The following RNF130 variants were observed in gnomAD, a reference collection of about 807,000 sequenced individuals.
RNF130 encodes E3 ubiquitin-protein ligase RNF130.
In RNF130, 21 loss-of-function variants were observed where a neutral mutation model predicts 44.6. That is an observed-to-expected ratio of 0.47 (90% CI 0.33 to 0.68). The LOEUF (loss-of-function observed/expected upper bound fraction) is 0.68. RNF130 is among the 30% of genes least tolerant of loss of function. The pLI, the probability that RNF130 is intolerant of heterozygous loss-of-function variation, is 0.02. For synonymous variants in RNF130, 214 were observed against 210.4 expected (o/e 1.02, Z -0.15); for missense variants, 479 against 560.6 (o/e 0.85, Z 1.47).
chr5:179,948,744 A>G (rs1432850643), intron 7 of RNF130, among the ~76,000 whole-genome samples: 5 of 152,170 alleles, frequency 3.3e-5, no homozygotes, highest in African/African-American at 1.2e-4. Flanking sequence ...TTTGGAAGAT[A>G]AAAAGTCAAG....
chr5:180,048,891 G>A (rs941043791), intron 1 of RNF130, among the ~76,000 whole-genome samples: 4 of 152,172 alleles, frequency 2.6e-5, no homozygotes, highest in Non-Finnish European at 5.9e-5. Flanking sequence ...TGTAATTTAA[G>A]CTCTTCACTT....
At chr5:179,933,797 T>G (rs1393584276) in intron 7 of RNF130, 2 of 644,112 alleles carry the variant, frequency 3.1e-6, no homozygotes, top group Admixed American at 4.0e-5. Flanking sequence ...TAAGTATGTA[T>G]TACATCACTA....
intron 7 of RNF130, among the ~76,000 whole-genome samples, chr5:179,937,945 A>T (rs1373705674): frequency 3.7e-4 from 56 of 150,098 alleles, no homozygotes; most frequent in African/African-American, 6.4e-4. Flanking sequence ...AGAGAGAGAG[A>T]GAGAGAGAGA....
chr5:180,005,291 G>T (rs1582181194), intron 3 of RNF130, among the ~76,000 whole-genome samples: 1 of 152,274 alleles, frequency 6.6e-6, no homozygotes, highest in East Asian at 1.9e-4. Flanking sequence ...AGTCGGGCCT[G>T]GTGGTGGGCA....
At chr5:179,928,715 G>A (rs1193055274) in intron 7 of RNF130, among the ~76,000 whole-genome samples, 3 of 148,582 alleles carry the variant, frequency 2.0e-5, no homozygotes, top group East Asian at 2.1e-4. Context: ...TGCAAGCCCC[G>A]CCTCCTGGGT....
rs142734510 is a variant in RNF130 at position 179,995,419 on chromosome 5, G to T, written c.694-15219C>A. 1.4e-4 allele frequency among the ~76,000 whole-genome samples: 22 copies of T among 152,268 alleles called. No homozygotes were observed. In the East Asian group the frequency reaches 4.2e-3, roughly 29 times the overall value. On this transcript the variant is annotated intron_variant, in intron 3 of 8. Coordinates refer to ENST00000521389, the MANE Select transcript of RNF130 (RefSeq NM_018434.6). ...CAAGCTGTACTCATTTATCATTTCT[G>T]GCTGTGTGGGCCCCTTTCCTACCAA...
At chr5:180,012,437 G>C (rs947231607) in intron 3 of RNF130, among the ~76,000 whole-genome samples, 1 of 152,118 alleles carries the variant, frequency 6.6e-6, no homozygotes, top group Non-Finnish European at 1.5e-5. Context: ...GTCACCAACT[G>C]AGGGCCACCA....
At chr5:179,993,647 T>A (rs1218857048) in intron 3 of RNF130, among the ~76,000 whole-genome samples, 7 of 152,238 alleles carry the variant, frequency 4.6e-5, no homozygotes, top group Admixed American at 4.6e-4. Context: ...ATGGGTAGAT[T>A]GCAAAAATTT....
intron 3 of RNF130, among the ~76,000 whole-genome samples, chr5:180,012,691 G>A (rs1001637905): frequency 6.6e-6 from 1 of 152,110 alleles, no homozygotes; most frequent in Non-Finnish European, 1.5e-5. Context: ...ATTTCACATA[G>A]GAAGGGGAAG....
At chr5:179,937,610 T>C (rs774987743) in intron 7 of RNF130, among the ~76,000 whole-genome samples, 1 of 152,286 alleles carries the variant, frequency 6.6e-6, no homozygotes, top group Non-Finnish European at 1.5e-5. Flanking sequence ...GGCAGGAATG[T>C]AAAATGGTTT....
chr5:179,981,998 C>CTACAA (rs1461597303), intron 3 of RNF130, among the ~76,000 whole-genome samples: 1 of 152,128 alleles, frequency 6.6e-6, no homozygotes, highest in Non-Finnish European at 1.5e-5. Flanking sequence ...GAAAACCTAA[C>CTACAA]TACAATCAAG....
At chr5:179,924,581 TGAG>T (rs1187246903) in intron 7 of RNF130, among the ~76,000 whole-genome samples, 1 of 151,516 alleles carries the variant, frequency 6.6e-6, no homozygotes, top group Non-Finnish European at 1.5e-5. Flanking sequence ...GTGGATCACC[TGAG>T]GTCAGGAGGA....
At chr5:179,987,155 CTTCCT>C (rs755275386) in intron 3 of RNF130, among the ~76,000 whole-genome samples, 9 of 151,632 alleles carry the variant, frequency 5.9e-5, no homozygotes, top group Non-Finnish European at 1.3e-4. Context: ...CCTTTCCTTC[CTTCCT>C]TTCTTTCTTC....
chr5:179,951,260 C>T (rs1156471838), downstream of RNF130, among the ~76,000 whole-genome samples: 2 of 152,136 alleles, frequency 1.3e-5, no homozygotes, highest in Non-Finnish European at 2.9e-5. Flanking sequence ...CTAGAGATAA[C>T]AATACTCACT....
chr5:180,034,662 C>T (rs1167910668), intron 2 of RNF130, among the ~76,000 whole-genome samples: 3 of 152,228 alleles, frequency 2.0e-5, no homozygotes, highest in East Asian at 1.9e-4. Context: ...TACTATCCGT[C>T]GAAAGGCCTG....
downstream of RNF130, among the ~76,000 whole-genome samples, chr5:179,954,398 A>T (rs965686339): frequency 2.6e-5 from 4 of 152,344 alleles, no homozygotes; most frequent in Non-Finnish European, 4.4e-5. Context: ...TGTTAACCAC[A>T]CAAAGAAGTT....
At chr5:180,021,959 G>A (rs1442553506) in intron 2 of RNF130, among the ~76,000 whole-genome samples, 1 of 152,046 alleles carries the variant, frequency 6.6e-6, no homozygotes, top group Non-Finnish European at 1.5e-5. Flanking sequence ...ACTGTCTCTC[G>A]GTCTTTCTTG....
chr5:179,972,112 T>C (rs779280270), intron 5 of RNF130, among the ~76,000 whole-genome samples: 3 of 152,184 alleles, frequency 2.0e-5, no homozygotes, highest in African/African-American at 4.8e-5. Context: ...TTATGTCTTG[T>C]TACTCGTAGC....
At chr5:179,932,967 A>C (rs34345494) in intron 7 of RNF130, among the ~76,000 whole-genome samples, 60,794 of 152,100 alleles carry the variant, frequency 0.4, 13,017 homozygotes, top group East Asian at 0.64. Flanking sequence ...AAAGAAGACC[A>C]AAATGACCAT....
Sources: allele counts gnomAD v4.1 joint callset (sites outside exome capture counted in the v4.1 genomes callset), GRCh38; gene constraint gnomAD v4.1.1; transcripts MANE v1.5; gene names NCBI Gene and HGNC (gene_info 2026-07-23, HGNC 2026-07-21).